The following E2F2 variants were observed in gnomAD, a reference collection of about 807,000 sequenced individuals.
The protein encoded by E2F2 is transcription factor E2F2.
In E2F2, 22 loss-of-function variants were observed where a neutral mutation model predicts 42.2. The ratio of observed to expected loss-of-function variants is 0.52; its 90% CI spans 0.37 to 0.74. The LOEUF (loss-of-function observed/expected upper bound fraction) is 0.74, where lower values mean the gene tolerates loss of function less well. Among genes scored for constraint, E2F2 ranks in the 30% least tolerant of loss-of-function variants. The pLI, the probability that E2F2 is intolerant of heterozygous loss-of-function variation, is 0.00. For synonymous variants in E2F2, 248 were observed against 251.6 expected, an observed-to-expected ratio of 0.99 and a Z score of 0.13; for missense variants, 481 against 557.8, an observed-to-expected ratio of 0.86 and a Z score of 1.39.
At position 23,521,827 on chromosome 1, in the gene E2F2, A is replaced by T. The variant is rs557137487; in HGVS notation, c.578+10T>A. 6.2e-7 allele frequency: 1 copy of T among 1,613,262 alleles called. No individual in the cohort carries two copies. The highest frequency in any genetic ancestry group is 1.3e-5 in the African/African-American group (1 of 74,964). Reference sequence around the variant, plus strand: ...CATTGGAGGGTACCACTGGCCGCCCAGGCACTCACACCCACTGGATGTTGT... The same window carrying T: ...CATTGGAGGGTACCACTGGCCGCCCTGGCACTCACACCCACTGGATGTTGT... On this transcript the variant is annotated intron_variant, in intron 3 of 6. Transcript: ENST00000361729.
chr1:23,521,970 C>G lies in E2F2; in HGVS notation c.445G>C (p.Glu149Gln). The stretch of plus-strand genomic sequence containing the variant: ...CAGTTCAGGTCCAGGACCCCATCCT[C>G]TGACTCGCTCAGGAGGTAAATGAAC... Reference protein sequence around the residue: ...KKFIYLLSESEDGVLDLNWAA... With the variant: ...KKFIYLLSESQDGVLDLNWAA... Residue 149 changes from glutamate to glutamine, a missense_variant, in exon 3 of 7, where the codon GAG becomes CAG. Physicochemically the swap from Glu to Gln is conservative, Grantham distance 29 (BLOSUM62 2). Coordinates refer to ENST00000361729, the MANE Select transcript of E2F2 (RefSeq NM_004091.4). 6.2e-7 allele frequency: 1 copy of G among 1,614,226 alleles called. No individual in the cohort carries two copies. Among genetic ancestry groups the G allele is most frequent in the Non-Finnish European group, 8.5e-7 (1 of 1,180,036 alleles).
At position 23,519,000 on chromosome 1, in the gene E2F2, A is replaced by C; in HGVS notation, c.852+16T>G. On this transcript the variant is annotated intron_variant, in intron 5 of 6. Coordinates refer to ENST00000361729, the MANE Select transcript of E2F2 (RefSeq NM_004091.4). Reference sequence around the variant, plus strand: ...GGGTCTCAACCCTGCTCTCCACCAAATATTTCCCCTCTCACCTCAGTCCTG... The same window carrying C: ...GGGTCTCAACCCTGCTCTCCACCAACTATTTCCCCTCTCACCTCAGTCCTG... 1 of 1,609,504 alleles carries C rather than the reference A, an allele frequency of 6.2e-7. No individual in the cohort carries two copies. The highest frequency in any genetic ancestry group is 8.5e-7 in the Non-Finnish European group (1 of 1,176,468).
rs1180149002 is a variant in E2F2 at position 23,510,040 on chromosome 1, G to A, written c.1154C>T (p.Thr385Ile). ...LELPHPLLQQ[T>I]EDQFLSPTLA... ...GGTCGGGGACAGGAACTGGTCCTCA[G>A]TCTGCTGCAGGAGTGGGTGCGGCAG... The change falls in exon 7 of 7, where the codon ACT (threonine) becomes ATT (isoleucine). Residue 385 changes from threonine to isoleucine, a missense_variant. Thr to Ile is a moderately conservative substitution (Grantham distance 89). Transcript: ENST00000361729. 6.2e-7 allele frequency: 1 copy of A among 1,613,132 alleles called. No homozygotes were observed. The highest frequency in any genetic ancestry group is 1.3e-5 in the African/African-American group (1 of 75,054).
At chr1:23,510,352 G>A (rs1352042203) in intron 6 of E2F2, among the ~76,000 whole-genome samples, 2 of 151,948 alleles carry the variant, frequency 1.3e-5, no homozygotes, top group African/African-American at 4.8e-5. Flanking sequence ...TTGAGACCGG[G>A]TCTCACTCTA....
chr1:23,521,926 G>A lies in E2F2; in HGVS notation c.489C>T (p.Asp163=), dbSNP rs1330985872. ...TGTCATAGATGCGCCGCTTCTGCAC[G>A]TCCAGCACCTCAGCGGCCCAGTTCA... ...LDLNWAAEVL[D]VQKRRIYDIT... is the part of the protein sequence containing the mutation. Residue 163 remains aspartate, a synonymous_variant, in exon 3 of 7, where the codon GAC becomes GAT. Coordinates refer to ENST00000361729, the MANE Select transcript of E2F2 (RefSeq NM_004091.4). 3.1e-6 allele frequency: 5 copies of A among 1,614,212 alleles called. No individual in the cohort carries two copies. Among genetic ancestry groups the A allele is most frequent in the South Asian group, 2.2e-5 (2 of 91,088 alleles).
intron 1 of E2F2, among the ~76,000 whole-genome samples, chr1:23,526,200 TC>T (rs1393674006): frequency 2.6e-5 from 4 of 152,032 alleles, no homozygotes; most frequent in Non-Finnish European, 5.9e-5. Context: ...ACTGGTGAAA[TC>T]CTATATTCTA....
rs2148683626 is a variant in E2F2, at chr1:23,508,330, A to G, written c.*1550T>C. 6.6e-6 allele frequency: 1 copy of G among 152,350 alleles called. No homozygotes were observed. Among genetic ancestry groups the G allele is most frequent in the Non-Finnish European group, 1.5e-5 (1 of 68,050 alleles). 9.4% of individuals were successfully genotyped at this position (152,350 alleles called of 1,614,324 possible). A position where few individuals can be genotyped will look rare whatever the true frequency, so the allele number is the denominator to read the frequency against. On this transcript the variant is annotated 3_prime_UTR_variant, in exon 7 of 7. Coordinates refer to ENST00000361729, the MANE Select transcript of E2F2 (RefSeq NM_004091.4). ...CAAAACCAACTTCATATTTTAAACC[A>G]GCTTAATGCTACAAACTTTTCTAAA...
At chr1:23,526,938 TGCG>T (rs1643261185) in intron 1 of E2F2, among the ~76,000 whole-genome samples, 1 of 152,046 alleles carries the variant, frequency 6.6e-6, no homozygotes, top group Non-Finnish European at 1.5e-5. Flanking sequence ...AGGGTCCCAA[TGCG>T]GCAAGTGTCC....
rs748192720 is a variant in E2F2, at chr1:23,522,044, G to A, written c.371C>T (p.Pro124Leu). The A allele has an allele frequency of 2.5e-6, 4 of 1,613,980 alleles. No individual in the cohort carries two copies. In the Admixed American group the frequency reaches 6.7e-5, roughly 27 times the overall value. Residue 124 changes from proline (P) to leucine (L), a missense_variant, in exon 3 of 7, where the codon CCC becomes CTC. By Grantham distance (98) the Pro-to-Leu change is moderately conservative. Transcript: ENST00000361729. ...AGTGTCATACCGAGTCTTCTCCCCGGGGGATTTGGGGGCTGAAGAAGAAAG... is the reference window on the plus strand; with the variant it reads ...AGTGTCATACCGAGTCTTCTCCCCGAGGGATTTGGGGGCTGAAGAAGAAAG... The part of the protein sequence containing the change: ...GLPSPKTPKS[P>L]GEKTRYDTSL...
At chr1:23,513,473 AG>A (rs1185601257) in intron 6 of E2F2, among the ~76,000 whole-genome samples, 1 of 152,162 alleles carries the variant, frequency 6.6e-6, no homozygotes, top group East Asian at 1.9e-4. Flanking sequence ...GCCAGGACCC[AG>A]GTCCCAAGAC....
At position 23,530,845 on chromosome 1, in the gene E2F2, T is replaced by C. The variant is rs1385790965; in HGVS notation, c.-52A>G. 7.0e-7 allele frequency: 1 copy of C among 1,426,444 alleles called. No homozygotes were observed. The highest frequency in any genetic ancestry group is 9.2e-7 in the Non-Finnish European group (1 of 1,091,026). The allele number at this position is 1,426,444 out of a possible 1,614,324, so 88.4% of individuals were successfully genotyped here. A position where few individuals can be genotyped will look rare whatever the true frequency, so the allele number is the denominator to read the frequency against. On this transcript the variant is annotated 5_prime_UTR_variant, in exon 1 of 7. Coordinates refer to ENST00000361729, the MANE Select transcript of E2F2 (RefSeq NM_004091.4). This position sits in a 1 kb window ranked among gnomAD's most constrained non-coding sequence, Gnocchi z 4.4. ...AGGGCTTGGCGCGCCCGCGGACACC[T>C]GCGGGTTCCGGTGCTGCCGCCTTTC...
chr1:23,522,098 G>GGCCC (rs1570467979), intron 2 of E2F2, 42 bp from the exon 3 acceptor site: 2 of 1,586,580 alleles, frequency 1.3e-6, no homozygotes. Flanking sequence ...GGGAGGGGAG[G>GGCCC]GCCCGCCCAG....
chr1:23,524,915 C>T (rs921758927), intron 1 of E2F2, among the ~76,000 whole-genome samples: 2 of 152,182 alleles, frequency 1.3e-5, no homozygotes, highest in African/African-American at 4.8e-5. Flanking sequence ...AGCAGCTGGC[C>T]CAGCTAGACT....
intron 5 of E2F2, 43 bp from the exon 6 acceptor site, chr1:23,516,570 G>C: frequency 6.6e-7 from 1 of 1,517,954 alleles, no homozygotes; most frequent in Non-Finnish European, 9.0e-7. Flanking sequence ...TGGGCAGCTG[G>C]ACACTTACAC....
intron 4 of E2F2, among the ~76,000 whole-genome samples, chr1:23,520,105 G>C (rs1040548516): frequency 1.3e-5 from 2 of 150,248 alleles, no homozygotes; most frequent in African/African-American, 4.9e-5. Flanking sequence ...AATTAGCCAG[G>C]CATGGTGGCG....
At chr1:23,513,076 G>A (rs192317981) in intron 6 of E2F2, among the ~76,000 whole-genome samples, 2 of 151,288 alleles carry the variant, frequency 1.3e-5, no homozygotes, top group South Asian at 4.2e-4. Context: ...GCCTCTCCAA[G>A]TGCTGGATTA....
chr1:23,512,339 C>T (rs1010594605), intron 6 of E2F2, among the ~76,000 whole-genome samples: 6 of 152,136 alleles, frequency 3.9e-5, no homozygotes, highest in African/African-American at 9.7e-5. Flanking sequence ...GCCCTTGAGG[C>T]GAGGCGTGGT....
At chr1:23,516,296 T>C in intron 6 of E2F2, 39 bp downstream of exon 6, 1 of 1,437,282 alleles carries the variant, frequency 7.0e-7, no homozygotes, top group Non-Finnish European at 9.1e-7. Context: ...AAGGCCGGTC[T>C]CTCCCCCCAC....
At position 23,507,125 on chromosome 1, in the gene E2F2, CTGGTGGGGCTGG is replaced by C. The variant is rs1449587278; in HGVS notation, c.*2743_*2754del. 6.6e-6 allele frequency: 1 copy of C among 152,090 alleles called. No homozygotes were observed. 9.4% of individuals were successfully genotyped at this position (152,090 alleles called of 1,614,324 possible). On this transcript the variant is annotated 3_prime_UTR_variant, in exon 7 of 7. Coordinates refer to ENST00000361729, the MANE Select transcript of E2F2 (RefSeq NM_004091.4). ...ACGAGTGATTTTTTTAGGGGGGCTG[CTGGTGGGGCTGG>C]GAAGTTTCCTGGCAGAAATTATTTA...
Sources: gnomAD v4.1 joint callset for allele counts (sites outside exome capture counted in the v4.1 genomes callset) on GRCh38, gnomAD v4.1.1 for gene constraint, Gnocchi (gnomAD v3.1) non-coding constraint, MANE v1.5 for transcripts, NCBI Gene and HGNC (gene_info 2026-07-23, HGNC 2026-07-21) for gene names.